TMEM205: variants seen among roughly 807,000 people sequenced by gnomAD.
TMEM205 encodes transmembrane protein 205.
A neutral mutation model predicts 17.9 loss-of-function variants in TMEM205; 11 were observed. The observed-to-expected ratio is 0.61, with a 90% CI of 0.39 to 1.02. TMEM205 has a LOEUF of 1.02. Among genes scored for constraint, TMEM205 ranks in the 50% least tolerant of loss-of-function variants. The probability of loss-of-function intolerance (pLI) is 0.01; values close to 1 mark genes in which losing one functional copy is unlikely to be tolerated. For missense variants in TMEM205, 236 were observed against 239.4 expected (o/e 0.99, Z 0.09); for synonymous variants, 86 against 97.4 (o/e 0.88, Z 0.69).
chr19:11,344,795 G>A, intron 2 of TMEM205: 1 of 182,116 alleles, frequency 5.5e-6, no homozygotes, highest in South Asian at 9.6e-5. Context: ...GGAAGAAGGG[G>A]CTCCCCTCCC....
In TMEM205 at chr19:11,345,597, C is replaced by G. The variant is rs1967174049; in HGVS notation, c.23G>C (p.Gly8Ala). The G allele has an allele frequency of 6.2e-7, 1 of 1,614,014 alleles. No homozygotes were observed. Among genetic ancestry groups the G allele is most frequent in the East Asian group, 2.2e-5 (1 of 44,870 alleles). Residue 8 changes from glycine to alanine, a missense_variant, in exon 1 of 3, where the codon GGA (glycine) becomes GCA (alanine). By Grantham distance (60) the Gly-to-Ala change is moderately conservative (BLOSUM62 0). Transcript: ENST00000354882. Reference protein sequence around the residue: MEEGGNLGGLIKMVHLLV... With the variant: MEEGGNLAGLIKMVHLLV... Reference sequence around the variant, plus strand: ...TAGATGGACCATCTTAATCAGGCCTCCTAGGTTCCCGCCTTCCTCCATCTT... The same window carrying G: ...TAGATGGACCATCTTAATCAGGCCTGCTAGGTTCCCGCCTTCCTCCATCTT...
Position 11,346,018 on chromosome 19 carries a change from G to A in TMEM205, c.-399C>T. ...CTCATAAAATAATACCGGATATTAGGTGAAGATCCCGAAAGCCCCGAGGAA... is the reference window on the plus strand; with the variant it reads ...CTCATAAAATAATACCGGATATTAGATGAAGATCCCGAAAGCCCCGAGGAA... On this transcript the variant is annotated 5_prime_UTR_variant, in exon 1 of 3. Coordinates refer to ENST00000354882, the MANE Select transcript of TMEM205 (RefSeq NM_198536.3). The A allele has an allele frequency of 4.3e-6, 1 of 231,790 alleles. No individual in the cohort carries two copies. Among genetic ancestry groups the A allele is most frequent in the Non-Finnish European group, 8.6e-6 (1 of 116,010 alleles). The allele number at this position is 231,790 out of a possible 1,614,324, so 14.4% of individuals were successfully genotyped here.
At chr19:11,343,206 A>T in intron 2 of TMEM205, 86 bp from the exon 3 acceptor site, 95 of 775,144 alleles carry the variant, frequency 1.2e-4, no homozygotes, top group Middle Eastern at 4.4e-4. Context: ...CCTCAACAGC[A>T]CAGGGGTGGG....
upstream of TMEM205, chr19:11,346,424 G>A: frequency 1.5e-6 from 1 of 684,190 alleles, no homozygotes; most frequent in Middle Eastern, 3.2e-4. Context: ...ATTACGCCGC[G>A]GCTACTAAGC....
At chr19:11,343,562 C>T (rs1318434598) in intron 2 of TMEM205, among the ~76,000 whole-genome samples, 1 of 152,208 alleles carries the variant, frequency 6.6e-6, no homozygotes, top group East Asian at 1.9e-4. Flanking sequence ...GTGAGTGGAT[C>T]ACTTGAGGCC....
rs767372556 is a variant in TMEM205, at chr19:11,345,252, C to A, written c.264G>T (p.Gln88His). 6.8e-6 allele frequency: 11 copies of A among 1,613,870 alleles called. No homozygotes were observed. Among genetic ancestry groups the A allele is most frequent in the Non-Finnish European group, 9.3e-6 (11 of 1,179,968 alleles). Residue 88 changes from glutamine (Q) to histidine (H), a missense_variant and splice_region_variant, in exon 2 of 3, where the codon CAG becomes CAT. Coordinates refer to ENST00000354882, the MANE Select transcript of TMEM205 (RefSeq NM_198536.3). ...GGCAGTGGCACTCAAACCCACGTACCTGGCTGGCCTCCCAGAATGTGAGCT... is the reference window on the plus strand; with the variant it reads ...GGCAGTGGCACTCAAACCCACGTACATGGCTGGCCTCCCAGAATGTGAGCT... ...WAQLTFWEAS[Q>H]LYLLFLSLTL...
chr19:11,345,274 A>C lies in TMEM205; in HGVS notation c.242T>G (p.Leu81Arg). ...ILASQHAWAQ[L>R]TFWEASQLYL... ...TACCTGGCTGGCCTCCCAGAATGTG[A>C]GCTGAGCCCAAGCATGCTGTGAAGC... Residue 81 changes from leucine to arginine, a missense_variant, in exon 2 of 3, where the codon CTC becomes CGC. Leu to Arg is a moderately radical substitution (Grantham distance 102, BLOSUM62 -2). Transcript: ENST00000354882. 5.6e-6 allele frequency: 9 copies of C among 1,614,128 alleles called. No individual in the cohort carries two copies. Among genetic ancestry groups the C allele is most frequent in the Non-Finnish European group, 7.6e-6 (9 of 1,180,024 alleles).
intron 2 of TMEM205, 83 bp downstream of exon 2, chr19:11,345,169 C>T: frequency 1.4e-6 from 2 of 1,449,884 alleles, no homozygotes; most frequent in Non-Finnish European, 9.3e-7. Context: ...TTTTTTCCCC[C>T]CCTGGAAAAG....
chr19:11,345,542 T>G lies in TMEM205; in HGVS notation c.78A>C (p.Gln26His). 1 of 1,614,064 alleles carries G rather than the reference T, an allele frequency of 6.2e-7. No homozygotes were observed. The highest frequency in any genetic ancestry group is 1.3e-5 in the African/African-American group (1 of 74,986). The part of the protein sequence containing the change: ...LLVLSGAWGM[Q>H]MWVTFVSGFL... ...TACCTGAGACGAAGGTCACCCACAT[T>G]TGCATGCCCCAGGCACCTGACAAGA... Residue 26 changes from glutamine to histidine, a missense_variant, in exon 1 of 3, where the codon CAA becomes CAC. Physicochemically the swap from Gln to His is conservative, Grantham distance 24. Coordinates refer to ENST00000354882, the MANE Select transcript of TMEM205 (RefSeq NM_198536.3).
chr19:11,343,403 G>A (rs1394481260), intron 2 of TMEM205, among the ~76,000 whole-genome samples: 1 of 152,200 alleles, frequency 6.6e-6, no homozygotes, highest in African/African-American at 2.4e-5. Context: ...TACTCAGACT[G>A]GAAGTCCCCA....
At chr19:11,343,260 C>T (rs1237895223) in intron 2 of TMEM205, 140 bp from the exon 3 acceptor site, 8 of 867,442 alleles carry the variant, frequency 9.2e-6, no homozygotes, top group Non-Finnish European at 1.4e-5. Context: ...CCCCCTCTTT[C>T]CTTGAACCCA....
At chr19:11,346,354 G>A, upstream of TMEM205, 1 of 577,778 alleles carries the variant, frequency 1.7e-6, no homozygotes, top group Non-Finnish European at 3.0e-6. Context: ...CGCCCTCCTG[G>A]GTATTGACTA....
At chr19:11,345,161 T>G in intron 2 of TMEM205, 91 bp downstream of exon 2, 1 of 1,417,236 alleles carries the variant, frequency 7.1e-7, no homozygotes, top group African/African-American at 1.4e-5. Flanking sequence ...TAGCCTTTTT[T>G]TTTCCCCCCC....
At position 11,342,858 on chromosome 19, in the gene TMEM205, C is replaced by G; in HGVS notation, c.527G>C (p.Gly176Ala). The G allele has an allele frequency of 6.2e-7, 1 of 1,614,222 alleles. No individual in the cohort carries two copies. Among genetic ancestry groups the G allele is most frequent in the Non-Finnish European group, 8.5e-7 (1 of 1,180,038 alleles). Residue 176 changes from glycine (G) to alanine (A), a missense_variant, in exon 3 of 3, where the codon GGG becomes GCG. Coordinates refer to ENST00000354882, the MANE Select transcript of TMEM205 (RefSeq NM_198536.3). ...CAGGGCAAGGCCAGCGAGACAGAGC[C>G]CATTGCTCAGGACGCAGCCCAGATT... is the stretch of plus-strand genomic sequence containing the variant. ...LCNLGCVLSNGLCLAGLALEI... is the reference protein window; with the variant it reads ...LCNLGCVLSNALCLAGLALEI...
intron 2 of TMEM205, among the ~76,000 whole-genome samples, chr19:11,344,254 A>C (rs1599366539): frequency 6.6e-6 from 1 of 151,810 alleles, no homozygotes; most frequent in South Asian, 2.1e-4. Flanking sequence ...ATTTTTTTTA[A>C]TTAGGAAAAA....
At position 11,345,891 on chromosome 19, in the gene TMEM205, G is replaced by C; in HGVS notation, c.-272C>G. 4.4e-6 allele frequency: 2 copies of C among 456,890 alleles called. No homozygotes were observed. Among genetic ancestry groups the C allele is most frequent in the Non-Finnish European group, 7.7e-6 (2 of 259,218 alleles). The allele number at this position is 456,890 out of a possible 1,614,324, so 28.3% of individuals were successfully genotyped here. On this transcript the variant is annotated 5_prime_UTR_variant, in exon 1 of 3. Transcript: ENST00000354882. ...GCCACTTCAGAGGCCCCAAATTTCA[G>C]CCACAGCAGCTCCAGATCATAGCCC...
chr19:11,343,790 CAAACA>C (rs1179218090), intron 2 of TMEM205, among the ~76,000 whole-genome samples: 2 of 151,880 alleles, frequency 1.3e-5, no homozygotes, highest in African/African-American at 4.8e-5. Context: ...GTCTCAAAAA[CAAACA>C]AAACAAAACA....
chr19:11,346,430 T>C (rs1033850860), upstream of TMEM205: 7 of 715,060 alleles, frequency 9.8e-6, no homozygotes, highest in Middle Eastern at 5.9e-4. Flanking sequence ...CCGCGGCTAC[T>C]AAGCGCAGCT....
intron 2 of TMEM205, chr19:11,344,856 CTTTTT>C (rs66600829): frequency 3.3e-5 from 5 of 152,702 alleles, no homozygotes; most frequent in South Asian, 1.3e-4. Context: ...CTTTCCTTTC[CTTTTT>C]TTTTTTTTTT....
Sources: allele counts gnomAD v4.1 joint callset (sites outside exome capture counted in the v4.1 genomes callset), GRCh38; gene constraint gnomAD v4.1.1; transcripts MANE v1.5; gene names NCBI Gene and HGNC (gene_info 2026-07-23, HGNC 2026-07-21).